OTOG: variants seen among roughly 807,000 people sequenced by gnomAD.
OTOG encodes otogelin.
In OTOG, 296 loss-of-function variants were observed where a neutral mutation model predicts 313.8. That is an observed-to-expected ratio of 0.94 (90% confidence interval 0.86 to 1.04). The LOEUF is 1.04. Among genes scored for constraint, OTOG ranks in the 50% least tolerant of loss-of-function variants. The pLI, the probability that OTOG is intolerant of heterozygous loss-of-function variation, is 0.00. For synonymous variants in OTOG, 1,533 were observed against 1,554.9 expected, an observed-to-expected ratio of 0.99 and a Z score of 0.33; for missense variants, 3,948 against 3,840.1, an observed-to-expected ratio of 1.03 and a Z score of -0.74.
chr11:17,568,208 G>A (rs1028210326), intron 15 of OTOG, among the ~76,000 whole-genome samples: 1 of 152,150 alleles, frequency 6.6e-6, no homozygotes, highest in Non-Finnish European at 1.5e-5. Flanking sequence ...CACCCGGCCA[G>A]TAACACTTTC....
chr11:17,632,968 A>G (rs1330248584), intron 42 of OTOG, among the ~76,000 whole-genome samples: 2 of 152,238 alleles, frequency 1.3e-5, no homozygotes, highest in African/African-American at 4.8e-5. Context: ...TAAAAAATAC[A>G]ATAGAATAGA....
At chr11:17,606,267 C>A in intron 33 of OTOG, 132 bp downstream of exon 33, 1 of 1,196,334 alleles carries the variant, frequency 8.4e-7, no homozygotes, top group Non-Finnish European at 1.1e-6. Flanking sequence ...ACAGGGGCCA[C>A]ATGGGTGCCA....
intron 53 of OTOG, among the ~76,000 whole-genome samples, chr11:17,642,487 G>A (rs1367141086): frequency 6.6e-6 from 1 of 152,176 alleles, no homozygotes; most frequent in Non-Finnish European, 1.5e-5. Flanking sequence ...ACTGTTACAT[G>A]TTCTAGGCAC....
In OTOG at chr11:17,610,369, C is replaced by T; in HGVS notation, c.5069C>T (p.Ala1690Val). Residue 1690 changes from alanine to valine, a missense_variant, in exon 36 of 56, where the codon GCT (alanine) becomes GTT (valine). Coordinates refer to ENST00000399397, the MANE Select transcript of OTOG (RefSeq NM_001292063.2). ...GVPQPTQAQS[A>V]SSPSTPLTVA... ...CCCCAGCCCACCCAGGCCCAGAGTGCTTCAAGTCCCAGCACCCCTCTAACT... is the reference window on the plus strand; with the variant it reads ...CCCCAGCCCACCCAGGCCCAGAGTGTTTCAAGTCCCAGCACCCCTCTAACT... 1 of 1,550,674 alleles carries T rather than the reference C, an allele frequency of 6.4e-7. No homozygotes were observed. The highest frequency in any genetic ancestry group is 8.7e-7 in the Non-Finnish European group (1 of 1,146,980).
chr11:17,556,838 A>T (rs1257259171), intron 7 of OTOG, among the ~76,000 whole-genome samples: 3 of 152,182 alleles, frequency 2.0e-5, no homozygotes, highest in African/African-American at 7.2e-5. Context: ...AATAAAGCAG[A>T]TGTTTGTTTA....
chr11:17,643,543 T>C, intron 54 of OTOG, 37 bp downstream of exon 54: 28 of 1,068,086 alleles, frequency 2.6e-5, no homozygotes, highest in African/African-American at 3.3e-5. Flanking sequence ...GGTGGGGGGC[T>C]CTGATGGGGG....
intron 4 of OTOG, among the ~76,000 whole-genome samples, chr11:17,552,481 C>A (rs1851956743): frequency 1.6e-5 from 1 of 61,332 alleles, no homozygotes; most frequent in African/African-American, 8.6e-5. Flanking sequence ...CCTCACCTGT[C>A]CTAGGTCTGT....
intron 4 of OTOG, among the ~76,000 whole-genome samples, chr11:17,552,585 T>TGTCCTGTGTCCCCCACCTGTACTGTGTCC (rs1851964810): frequency 6.8e-5 from 4 of 59,188 alleles, no homozygotes; most frequent in African/African-American, 2.8e-4. Context: ...GTCCTGTGTC[T>TGTCCTGTGTCCCCCACCTGTACTGTGTCC]CCCACCTGTC....
chr11:17,561,263 C>A, intron 14 of OTOG, 126 bp downstream of exon 14: 1 of 1,108,826 alleles, frequency 9.0e-7, no homozygotes, highest in Non-Finnish European at 1.3e-6. Context: ...GGCTACGCCC[C>A]GACCCCTGTT....
chr11:17,576,437 C>T, intron 20 of OTOG, 119 bp from the exon 21 acceptor site: 1 of 767,578 alleles, frequency 1.3e-6, no homozygotes, highest in East Asian at 2.7e-5. Context: ...CTGTAGATAC[C>T]ATTACTTTTC....
Position 17,570,325 on chromosome 11 carries a change from G to A in OTOG, c.1890G>A (p.Gln630=). 10 of 1,550,730 alleles carry A rather than the reference G, an allele frequency of 6.4e-6. No homozygotes were observed. The highest frequency in any genetic ancestry group is 8.7e-6 in the Non-Finnish European group (10 of 1,147,024). Residue 630 remains glutamine, a synonymous_variant, in exon 17 of 56, where the codon CAG becomes CAA. Transcript: ENST00000399397. Reference sequence around the variant, plus strand: ...TCCGACTGTACCTGCAAGTGGACCAGCGATGGGTGGAGGATACCGTGGGCC... The same window carrying A: ...TCCGACTGTACCTGCAAGTGGACCAACGATGGGTGGAGGATACCGTGGGCC... ...EGLRLYLQVD[Q]RWVEDTVGLC... is the part of the protein sequence containing the mutation.
intron 39 of OTOG, among the ~76,000 whole-genome samples, chr11:17,625,627 G>A (rs754595939): frequency 1.3e-5 from 2 of 152,014 alleles, no homozygotes; most frequent in Non-Finnish European, 2.9e-5. Flanking sequence ...CAAATTTTTT[G>A]TGCATTTTTA....
intron 54 of OTOG, among the ~76,000 whole-genome samples, chr11:17,644,232 C>T (rs1848029980): frequency 6.6e-6 from 1 of 152,282 alleles, no homozygotes; most frequent in Non-Finnish European, 1.5e-5. Flanking sequence ...CTGCTTTGCT[C>T]TTGCTGGTCA....
intron 23 of OTOG, among the ~76,000 whole-genome samples, chr11:17,579,979 A>C (rs1210286769): frequency 6.6e-6 from 1 of 152,202 alleles, no homozygotes; most frequent in African/African-American, 2.4e-5. Context: ...TTGTAAGGGA[A>C]GGGCAGGCAT....
In OTOG at chr11:17,610,377, C is replaced by T. The variant is rs1483184655; in HGVS notation, c.5077C>T (p.Pro1693Ser). The T allele has an allele frequency of 2.4e-5, 37 of 1,550,516 alleles. No individual in the cohort carries two copies. The highest frequency in any genetic ancestry group is 3.0e-5 in the Non-Finnish European group (34 of 1,146,980). The change falls in exon 36 of 56, where the codon CCC (proline) becomes TCC (serine). Residue 1693 changes from proline to serine, a missense_variant. Transcript: ENST00000399397. ...CACCCAGGCCCAGAGTGCTTCAAGTCCCAGCACCCCTCTAACTGTGGCTGG... is the reference window on the plus strand; with the variant it reads ...CACCCAGGCCCAGAGTGCTTCAAGTTCCAGCACCCCTCTAACTGTGGCTGG... The part of the protein sequence containing the change: ...QPTQAQSASS[P>S]STPLTVAGTA...
In OTOG at chr11:17,593,674, T is replaced by G; in HGVS notation, c.3206T>G (p.Leu1069Arg). Reference sequence around the variant, plus strand: ...ACATGGCGAGTGGGATTTTTCACACTGGTGCATTTCCCACAGGAGCACATC... The same window carrying G: ...ACATGGCGAGTGGGATTTTTCACACGGGTGCATTTCCCACAGGAGCACATC... Reference protein sequence around the residue: ...VHTWRVGFFTLVHFPQEHITL... With the variant: ...VHTWRVGFFTRVHFPQEHITL... Residue 1069 changes from leucine (L) to arginine (R), a missense_variant, in exon 27 of 56, where the codon CTG becomes CGG. Leu to Arg is a moderately radical substitution (Grantham distance 102). Coordinates refer to ENST00000399397, the MANE Select transcript of OTOG (RefSeq NM_001292063.2). 6.5e-7 allele frequency: 1 copy of G among 1,549,134 alleles called. No individual in the cohort carries two copies. The highest frequency in any genetic ancestry group is 8.7e-7 in the Non-Finnish European group (1 of 1,146,980).
chr11:17,597,407 G>A (rs921785817), intron 30 of OTOG, among the ~76,000 whole-genome samples: 1 of 152,198 alleles, frequency 6.6e-6, no homozygotes, highest in African/African-American at 2.4e-5. Context: ...ATTTTCTTGT[G>A]TGAGAAGCAG....
At position 17,634,273 on chromosome 11, in the gene OTOG, C is replaced by A; in HGVS notation, c.7472C>A (p.Thr2491Asn). The change falls in exon 44 of 56, where the codon ACT (threonine) becomes AAT (asparagine). Residue 2491 changes from threonine (T) to asparagine (N), a missense_variant. Transcript: ENST00000399397. ...ACCAAGGACCCCTGCTGCCTGGGGA[C>A]TGTCTGTGGTGAGTGTCCACCTTCA... is the stretch of plus-strand genomic sequence containing the variant. ...LPTKDPCCLG[T>N]VCVCNQTLCE... 1 of 1,550,346 alleles carries A rather than the reference C, an allele frequency of 6.5e-7. No individual in the cohort carries two copies. The highest frequency in any genetic ancestry group is 2.4e-5 in the East Asian group (1 of 40,906).
At chr11:17,615,999 T>C (rs554752275) in intron 39 of OTOG, among the ~76,000 whole-genome samples, 3 of 152,330 alleles carry the variant, frequency 2.0e-5, no homozygotes, top group African/African-American at 4.8e-5. Flanking sequence ...CTTTCACTGA[T>C]GCTACAGTGT....
Sources: gnomAD v4.1 joint callset for allele counts (sites outside exome capture counted in the v4.1 genomes callset) on GRCh38, gnomAD v4.1.1 for gene constraint, MANE v1.5 for transcripts, NCBI Gene and HGNC (gene_info 2026-07-23, HGNC 2026-07-21) for gene names.